FCGR1A: variants seen among roughly 807,000 people sequenced by gnomAD.
FCGR1A encodes Fc gamma receptor Ia, also known as high affinity immunoglobulin gamma Fc receptor I.
A neutral mutation model predicts 35.0 loss-of-function variants in FCGR1A; 13 were observed. The observed-to-expected ratio is 0.37, with a 90% CI of 0.24 to 0.59. The LOEUF (loss-of-function observed/expected upper bound fraction) is 0.59. Ranked by LOEUF, FCGR1A falls within the 20% of genes least tolerant of loss-of-function variation. The pLI, the probability that FCGR1A is intolerant of heterozygous loss-of-function variation, is 0.71. For synonymous variants in FCGR1A, 91 were observed against 164.7 expected, an observed-to-expected ratio of 0.55 and a Z score of 3.43; for missense variants, 227 against 430.0, an observed-to-expected ratio of 0.53 and a Z score of 4.17.
intron 5 of FCGR1A, among the ~76,000 whole-genome samples, chr1:149,790,901 T>C (rs1297359659): frequency 1.3e-4 from 20 of 151,866 alleles, no homozygotes; most frequent in African/African-American, 1.9e-4. Context: ...TTGTGAGCTC[T>C]AGAACAAAGT....
chr1:149,793,836 G>C (rs1296784994), downstream of FCGR1A: 85 of 1,236,762 alleles, frequency 6.9e-5, no homozygotes, highest in Non-Finnish European at 8.1e-5. Flanking sequence ...TTCCTAGCCT[G>C]AGAAGTAATC....
chr1:149,793,850 A>G, downstream of FCGR1A: 1 of 1,262,470 alleles, frequency 7.9e-7, no homozygotes, highest in Admixed American at 2.4e-5. Flanking sequence ...AGTAATCCCC[A>G]AAGCAGACCA....
chr1:149,798,704 T>C, the FCGR1A span, among the ~76,000 whole-genome samples: 2 of 152,042 alleles, frequency 1.3e-5, no homozygotes, highest in African/African-American at 2.4e-5. Flanking sequence ...CTTGACCTCC[T>C]AGGCTCAAGC....
At chr1:149,796,692 A>C in the FCGR1A span, among the ~76,000 whole-genome samples, 1 of 152,174 alleles carries the variant, frequency 6.6e-6, no homozygotes, top group Non-Finnish European at 1.5e-5. Flanking sequence ...CAATTATTTT[A>C]TCCTTTCATT....
At chr1:149,794,192 C>T (rs1304829495), downstream of FCGR1A, 1 of 346,882 alleles carries the variant, frequency 2.9e-6, no homozygotes, top group Non-Finnish European at 5.7e-6. Context: ...TGAGAGTGGT[C>T]ACATTTGGAA....
At chr1:149,787,807 C>T (rs2091593015) in intron 3 of FCGR1A, 1 of 167,504 alleles carries the variant, frequency 6.0e-6, no homozygotes, top group Non-Finnish European at 1.3e-5. Context: ...GAGGTTCCTG[C>T]TTTCTTGCTG....
chr1:149,793,893 C>A, downstream of FCGR1A: 1 of 1,286,142 alleles, frequency 7.8e-7, no homozygotes, highest in Non-Finnish European at 1.0e-6. Context: ...AGAGTTGGGT[C>A]CATTCTGGAT....
intron 4 of FCGR1A, among the ~76,000 whole-genome samples, chr1:149,788,849 C>A (rs1442799242): frequency 6.6e-6 from 1 of 152,076 alleles, no homozygotes; most frequent in African/African-American, 2.4e-5. Context: ...ATCACAGGAG[C>A]TAATGTCAAT....
chr1:149,785,434 T>TTTTTTTG (rs2091521160), intron 3 of FCGR1A, among the ~76,000 whole-genome samples: 1 of 142,016 alleles, frequency 7.0e-6, no homozygotes, highest in African/African-American at 2.7e-5. Flanking sequence ...TTTTTTTTTT[T>TTTTTTTG]GAGACAGAGT....
At chr1:149,792,820 CG>C (rs1559748972), downstream of FCGR1A, 3 of 1,278,726 alleles carry the variant, frequency 2.3e-6, no homozygotes, top group Admixed American at 7.0e-5. Flanking sequence ...TGGGCAGCAA[CG>C]GCGGCAGGCG....
chr1:149,786,637 T>G (rs2091558069), intron 3 of FCGR1A: 1 of 151,958 alleles, frequency 6.6e-6, no homozygotes, highest in Admixed American at 6.6e-5. Context: ...GACACCAAAG[T>G]CATGAAGGTA....
intron 3 of FCGR1A, chr1:149,785,945 T>G (rs1401467250): frequency 2.6e-5 from 4 of 152,158 alleles, no homozygotes; most frequent in Non-Finnish European, 4.4e-5. Flanking sequence ...AACATTATGA[T>G]TGTGAACTGT....
chr1:149,784,206 C>A lies in FCGR1A; in HGVS notation c.256C>A (p.Gln86Lys). The A allele has an allele frequency of 6.2e-7, 1 of 1,611,312 alleles. No individual in the cohort carries two copies. The highest frequency in any genetic ancestry group is 1.1e-5 in the South Asian group (1 of 90,982). The change falls in exon 3 of 6, where the codon CAG becomes AAG. Residue 86 changes from glutamine to lysine, a missense_variant. Physicochemically the swap from Gln to Lys is moderately conservative, Grantham distance 53 (BLOSUM62 1). This residue lies in a region of FCGR1A where 185 missense variants were observed against 306.6 expected (regional missense o/e 0.60). Coordinates refer to ENST00000369168, the MANE Select transcript of FCGR1A (RefSeq NM_000566.4). ...CAATGACAGTGGTGAATACAGGTGC[C>A]AGAGAGGTCTCTCAGGGCGAAGTGA... The part of the protein sequence containing the change: ...SVNDSGEYRC[Q>K]RGLSGRSDPI...
intron 4 of FCGR1A, 47 bp from the exon 5 acceptor site, chr1:149,790,007 C>A (rs782338357): frequency 1.2e-6 from 2 of 1,612,572 alleles, no homozygotes; most frequent in Non-Finnish European, 1.7e-6. Flanking sequence ...TGAAAAGGAC[C>A]TGGATGCTAA....
intron 3 of FCGR1A, among the ~76,000 whole-genome samples, chr1:149,785,423 T>C (rs1240288353): frequency 7.3e-6 from 1 of 136,570 alleles, no homozygotes; most frequent in African/African-American, 2.7e-5. Flanking sequence ...TTTTTTTTTT[T>C]TTTTTTTTTT....
downstream of FCGR1A, chr1:149,793,350 C>G (rs2091761003): frequency 6.1e-6 from 7 of 1,143,586 alleles, no homozygotes; most frequent in South Asian, 1.1e-4. Flanking sequence ...AGGAAGGGAG[C>G]TGGCTCGGCG....
downstream of FCGR1A, among the ~76,000 whole-genome samples, chr1:149,793,783 G>T (rs1354384392): frequency 6.6e-5 from 10 of 151,808 alleles, no homozygotes; most frequent in Admixed American, 6.6e-4. Flanking sequence ...AGGGCCACAA[G>T]AGCTTCTGTA....
At chr1:149,785,353 C>T (rs2091512873) in intron 3 of FCGR1A, among the ~76,000 whole-genome samples, 1 of 144,134 alleles carries the variant, frequency 6.9e-6, no homozygotes, top group South Asian at 2.2e-4. Flanking sequence ...TCCCTTAGGT[C>T]TCTGTAAATA....
downstream of FCGR1A, chr1:149,794,178 C>A (rs6703252): frequency 2.8e-6 from 1 of 350,888 alleles, no homozygotes; most frequent in East Asian, 7.6e-5. Flanking sequence ...AACAGTGGAG[C>A]TATTGAGAGT....
Sources: gnomAD v4.1 joint callset for allele counts (sites outside exome capture counted in the v4.1 genomes callset) on GRCh38, gnomAD v4.1.1 for gene constraint, gnomAD v4.1.1 regional missense constraint, MANE v1.5 for transcripts, NCBI Gene and HGNC (gene_info 2026-07-23, HGNC 2026-07-21) for gene names.